Variants in BSG observed in about 807,000 individuals in gnomAD.
BSG encodes basigin.
BSG carries 37 observed loss-of-function variants against 43.1 expected under a neutral mutation model. The ratio of observed to expected loss-of-function variants is 0.86; its 90% CI spans 0.66 to 1.13. The LOEUF is 1.13. BSG is among the 50% of genes most tolerant of loss of function. The pLI is 0.00. For missense variants in BSG, 599 were observed against 554.2 expected (o/e 1.08, Z -0.81); for synonymous variants, 309 against 238.7 (o/e 1.29, Z -2.72).
upstream of BSG, chr19:572,500 C>A: frequency 3.3e-6 from 4 of 1,200,188 alleles, no homozygotes; most frequent in Non-Finnish European, 4.1e-6. Context: ...CGACCGGCGT[C>A]CCCGGCGCTC....
In BSG at chr19:581,601, C is replaced by T; in HGVS notation, c.1069+10C>T. On this transcript the variant is annotated intron_variant, in intron 6 of 8. Transcript: ENST00000333511. ...GAGGACGTCCTGGATGGTGAGCCGT[C>T]TGCCCTCCTGCCCACATGCCCTGCT... The T allele has an allele frequency of 1.9e-6, 3 of 1,573,912 alleles. No homozygotes were observed. Among genetic ancestry groups the T allele is most frequent in the East Asian group, 2.3e-5 (1 of 43,134 alleles).
intron 3 of BSG, 25 bp from the exon 4 acceptor site, chr19:580,354 G>A (rs373209745): frequency 2.6e-5 from 42 of 1,606,432 alleles, no homozygotes; most frequent in Non-Finnish European, 3.1e-5. Context: ...CTGGTACGCG[G>A]CTCACCTGCC....
At position 581,480 on chromosome 19, in the gene BSG, A is replaced by G. The variant is rs759192939; in HGVS notation, c.958A>G (p.Ser320Gly). The change falls in exon 6 of 9, where the codon AGC becomes GGC. Residue 320 changes from serine (S) to glycine (G), a missense_variant. By Grantham distance (56) the Ser-to-Gly change is moderately conservative. Coordinates refer to ENST00000333511, the MANE Select transcript of BSG (RefSeq NM_001728.4). Reference sequence around the variant, plus strand: ...GGCCATCATCACGCTCCGCGTGCGCAGCCACCTGGCCGCCCTCTGGCCCTT... The same window carrying G: ...GGCCATCATCACGCTCCGCGTGCGCGGCCACCTGGCCGCCCTCTGGCCCTT... The part of the protein sequence containing the change: ...DQAIITLRVR[S>G]HLAALWPFLG... 1 of 1,606,288 alleles carries G rather than the reference A, an allele frequency of 6.2e-7. No individual in the cohort carries two copies. The highest frequency in any genetic ancestry group is 8.5e-7 in the Non-Finnish European group (1 of 1,177,110).
chr19:582,500 C>T lies in BSG; in HGVS notation c.1095-14C>T, dbSNP rs767840097. 3.7e-6 allele frequency: 6 copies of T among 1,606,878 alleles called. No individual in the cohort carries two copies. In the South Asian group the frequency reaches 5.5e-5, roughly 15 times the overall value. On this transcript the variant is annotated splice_polypyrimidine_tract_variant and intron_variant, in intron 7 of 8. Coordinates refer to ENST00000333511, the MANE Select transcript of BSG (RefSeq NM_001728.4). Reference sequence around the variant, plus strand: ...TGCGGGGGACACCCTCTCACCCGGCCCCTCGTGCCCCAGGAAGAGCAGCGG... The same window carrying T: ...TGCGGGGGACACCCTCTCACCCGGCTCCTCGTGCCCCAGGAAGAGCAGCGG...
chr19:580,625 T>C (rs368623579), intron 4 of BSG, 21 bp from the exon 5 acceptor site: 345 of 1,612,042 alleles, frequency 2.1e-4, no homozygotes, highest in Non-Finnish European at 2.8e-4. Flanking sequence ...TCCAGGCTCC[T>C]CTCTCTCACC....
In BSG at chr19:581,316, C is replaced by G. The variant is rs768150957; in HGVS notation, c.794C>G (p.Ala265Gly). ...WYKITDSEDK[A>G]LMNGSESRFF... ...CAGCCCTTGCCTTTGGTCCCCTAGGCCCTCATGAACGGCTCCGAGAGCAGG... is the reference window on the plus strand; with the variant it reads ...CAGCCCTTGCCTTTGGTCCCCTAGGGCCTCATGAACGGCTCCGAGAGCAGG... Residue 265 changes from alanine to glycine, a missense_variant and splice_region_variant, in exon 6 of 9, where the codon GCC (alanine) becomes GGC (glycine). By Grantham distance (60) the Ala-to-Gly change is moderately conservative. Coordinates refer to ENST00000333511, the MANE Select transcript of BSG (RefSeq NM_001728.4). The G allele has an allele frequency of 3.1e-6, 5 of 1,610,662 alleles. No homozygotes were observed. In the African/African-American group the frequency reaches 4.0e-5, roughly 13 times the overall value.
intron 2 of BSG, chr19:578,894 C>T (rs1758877140): frequency 7.6e-6 from 3 of 392,190 alleles, no homozygotes; most frequent in African/African-American, 4.2e-5. Flanking sequence ...ACATGCCCAG[C>T]TAATTTTTTG....
chr19:580,483 A>G (rs1600495006), intron 4 of BSG, 22 bp downstream of exon 4: 1 of 1,608,880 alleles, frequency 6.2e-7, no homozygotes, highest in Non-Finnish European at 8.5e-7. Context: ...AGCCAGGGGT[A>G]CCGGGCACCA....
chr19:571,563 G>A (rs762988029), upstream of BSG: 5 of 779,594 alleles, frequency 6.4e-6, no homozygotes, highest in Non-Finnish European at 9.6e-6. Context: ...GCAGTCGGAC[G>A]CGTCTCCCCA....
chr19:579,190 A>G (rs1317318090), intron 2 of BSG: 1 of 512,422 alleles, frequency 2.0e-6, no homozygotes, highest in Admixed American at 2.3e-5. Context: ...GGGCAGGAAC[A>G]TCGCCAGGCG....
chr19:574,308 C>T (rs1382128406), intron 1 of BSG, among the ~76,000 whole-genome samples: 1 of 150,268 alleles, frequency 6.7e-6, no homozygotes, highest in Non-Finnish European at 1.5e-5. Context: ...AATCCCAGCA[C>T]TTTGGGAGGC....
intron 1 of BSG, among the ~76,000 whole-genome samples, chr19:573,413 C>T (rs1278332652): frequency 1.3e-5 from 2 of 152,220 alleles, no homozygotes; most frequent in African/African-American, 4.8e-5. Context: ...GGCTTTTGTC[C>T]TCCAAGAGCA....
chr19:571,383 C>G (rs1600467662), upstream of BSG: 2 of 622,370 alleles, frequency 3.2e-6, no homozygotes, highest in Non-Finnish European at 5.7e-6. Context: ...CCAACACACA[C>G]TTTCAACCTC....
upstream of BSG, chr19:572,258 A>T (rs555094799): frequency 4.4e-4 from 186 of 427,032 alleles, 1 homozygote; most frequent in Non-Finnish European, 5.6e-4. Context: ...CTCAGATAAA[A>T]TCTGGGTAAC....
chr19:582,406 G>C, intron 7 of BSG, 76 bp downstream of exon 7: 3 of 1,556,136 alleles, frequency 1.9e-6, no homozygotes, highest in Non-Finnish European at 2.6e-6. Flanking sequence ...CAAAGGCAGA[G>C]CCCCTGGGCT....
chr19:577,757 G>T lies in BSG; in HGVS notation c.68-17G>T, dbSNP rs941320029. 1.4e-5 allele frequency: 20 copies of T among 1,391,364 alleles called. No homozygotes were observed. In the East Asian group the frequency reaches 3.8e-4, roughly 26 times the overall value. The allele number at this position is 1,391,364 out of a possible 1,614,324, so 86.2% of individuals were successfully genotyped here. On this transcript the variant is annotated splice_polypyrimidine_tract_variant and intron_variant, in intron 1 of 8. Coordinates refer to ENST00000333511, the MANE Select transcript of BSG (RefSeq NM_001728.4). ...GCCCCAGGCACTAACAAGACCCCAC[G>T]CGTGCTCTCCCCACAGCCGGCTTCG... is the stretch of plus-strand genomic sequence containing the variant.
upstream of BSG, chr19:572,525 A>T (rs1011589580): frequency 8.0e-7 from 1 of 1,252,312 alleles, no homozygotes. Context: ...CGCCCCCGAG[A>T]TGACGCCGTG....
rs1424170091 is a variant in BSG, at chr19:578,087, G to C, written c.381G>C (p.Trp127Cys). The C allele has an allele frequency of 6.3e-7, 1 of 1,598,684 alleles. No individual in the cohort carries two copies. Among genetic ancestry groups the C allele is most frequent in the Middle Eastern group, 1.7e-4 (1 of 6,034 alleles). Residue 127 changes from tryptophan (W) to cysteine (C), a missense_variant, in exon 2 of 9, where the codon TGG becomes TGC. Trp to Cys is a radical substitution (Grantham distance 215). Transcript: ENST00000333511. Reference sequence around the variant, plus strand: ...TGACCCGGGCGCCCAGGGTCAAGTGGGTCCGCGCCCAGGCAGTCGTGCTAG... The same window carrying C: ...TGACCCGGGCGCCCAGGGTCAAGTGCGTCCGCGCCCAGGCAGTCGTGCTAG... Reference protein sequence around the residue: ...NHLTRAPRVKWVRAQAVVLVL... With the variant: ...NHLTRAPRVKCVRAQAVVLVL...
chr19:580,291 TGCCG>T, intron 3 of BSG, 84 bp from the exon 4 acceptor site: 1 of 1,228,316 alleles, frequency 8.1e-7, no homozygotes, highest in Admixed American at 1.9e-5. Flanking sequence ...TTTTTCACTG[TGCCG>T]TGGTTGGGCC....
Sources: allele counts gnomAD v4.1 joint callset (sites outside exome capture counted in the v4.1 genomes callset), GRCh38; gene constraint gnomAD v4.1.1; transcripts MANE v1.5; gene names NCBI Gene and HGNC (gene_info 2026-07-23, HGNC 2026-07-21).